MARCHF11: variants seen among roughly 807,000 people sequenced by gnomAD.
MARCHF11 encodes the protein membrane associated ring-CH-type finger 11.
Under a neutral mutation model 37.3 loss-of-function variants are expected in MARCHF11, and 29 were observed. The observed-to-expected ratio is 0.78, with a 90% confidence interval of 0.58 to 1.06. MARCHF11 has a LOEUF of 1.06. Ranked by LOEUF, MARCHF11 falls within the 50% of genes least tolerant of loss-of-function variation. The pLI is 0.00. For synonymous variants in MARCHF11, 233 were observed against 228.0 expected (o/e 1.02, Z -0.20); for missense variants, 482 against 533.4 (o/e 0.90, Z 0.95).
chr5:16,155,296 A>G (rs911362853), intron 2 of MARCHF11, among the ~76,000 whole-genome samples: 2 of 151,838 alleles, frequency 1.3e-5, no homozygotes, highest in Non-Finnish European at 2.9e-5. Flanking sequence ...AACCTCTTAG[A>G]AGGTCACAGA....
chr5:16,118,526 C>CT (rs1340688745), intron 2 of MARCHF11, among the ~76,000 whole-genome samples: 7 of 152,174 alleles, frequency 4.6e-5, no homozygotes, highest in African/African-American at 1.7e-4. Context: ...ACCAAGAATT[C>CT]TTTTATAGAC....
rs1736849527 is a variant in MARCHF11 at position 16,095,381 on chromosome 5, C to A, written c.694-4300G>T. On this transcript the variant is annotated intron_variant, in intron 2 of 3. Coordinates refer to ENST00000332432, the MANE Select transcript of MARCHF11 (RefSeq NM_001102562.3). Reference sequence around the variant, plus strand: ...GAGGAGGGCTAAATGTTTGGTTCAGCACATATCCTCAGTGTCTGGAAGAAG... The same window carrying A: ...GAGGAGGGCTAAATGTTTGGTTCAGAACATATCCTCAGTGTCTGGAAGAAG... Among the ~76,000 whole-genome samples the A allele has an allele frequency of 2.0e-5, 3 of 149,934 alleles. No homozygotes were observed. In the South Asian group the frequency reaches 6.3e-4, roughly 31 times the overall value.
intron 2 of MARCHF11, among the ~76,000 whole-genome samples, chr5:16,148,091 T>C (rs896749742): frequency 2.0e-5 from 3 of 152,104 alleles, no homozygotes; most frequent in African/African-American, 7.2e-5. Flanking sequence ...ATTATGCACT[T>C]TGGGAAATTT....
chr5:16,166,793 C>T (rs1007563939), intron 2 of MARCHF11, among the ~76,000 whole-genome samples: 18 of 151,762 alleles, frequency 1.2e-4, no homozygotes, highest in Admixed American at 9.2e-4. Context: ...TAAGAATGTA[C>T]CCCACTCTAA....
chr5:16,173,525 A>G (rs1183654622), intron 2 of MARCHF11, among the ~76,000 whole-genome samples: 1 of 152,218 alleles, frequency 6.6e-6, no homozygotes, highest in African/African-American at 2.4e-5. Flanking sequence ...CTGCACTGAG[A>G]TCATTATATC....
At chr5:16,167,747 T>C (rs1738194134) in intron 2 of MARCHF11, among the ~76,000 whole-genome samples, 1 of 152,128 alleles carries the variant, frequency 6.6e-6, no homozygotes. Context: ...TCACTTGCTT[T>C]TCTTCCGTTC....
At chr5:16,068,853 A>G (rs1736391973) in intron 3 of MARCHF11, among the ~76,000 whole-genome samples, 1 of 152,232 alleles carries the variant, frequency 6.6e-6, no homozygotes, top group African/African-American at 2.4e-5. Context: ...GTTGGTAGAG[A>G]GATCAATGAA....
In MARCHF11 at chr5:16,134,994, TCTCTCACA is replaced by T. The variant is rs1737583055; in HGVS notation, c.693+42724_693+42731del. ...TGAGTGATTTCTCTCTCTCTCTCTC[TCTCTCACA>T]CACACACACACACACACACACACAC... is the stretch of plus-strand genomic sequence containing the variant. On this transcript the variant is annotated intron_variant, in intron 2 of 3. Transcript: ENST00000332432. Among the ~76,000 whole-genome samples, 3 of 133,798 alleles carry T rather than the reference TCTCTCACA, an allele frequency of 2.2e-5. No homozygotes were observed. The South Asian group carries it at 8.5e-4, about 38-fold the overall frequency. 87.8% of individuals were successfully genotyped at this position (133,798 alleles called of 152,430 possible). A position where few individuals can be genotyped will look rare whatever the true frequency, so the allele number is the denominator to read the frequency against.
chr5:16,102,689 T>C (rs1220388893), intron 2 of MARCHF11, among the ~76,000 whole-genome samples: 1 of 152,168 alleles, frequency 6.6e-6, no homozygotes, highest in Non-Finnish European at 1.5e-5. Context: ...ATTCACCATA[T>C]TTCAAGTCTG....
chr5:16,169,289 C>T (rs1319017078), intron 2 of MARCHF11, among the ~76,000 whole-genome samples: 1 of 151,670 alleles, frequency 6.6e-6, no homozygotes, highest in African/African-American at 2.4e-5. Flanking sequence ...ACACCCCATG[C>T]CCAAATTAAG....
intron 2 of MARCHF11, among the ~76,000 whole-genome samples, chr5:16,118,926 A>C (rs1737264813): frequency 2.0e-5 from 3 of 152,170 alleles, no homozygotes; most frequent in Non-Finnish European, 4.4e-5. Context: ...AAAGGAGACT[A>C]TAACAGTGGC....
intron 3 of MARCHF11, among the ~76,000 whole-genome samples, chr5:16,081,477 C>T (rs747117824): frequency 2.6e-4 from 40 of 152,186 alleles, no homozygotes; most frequent in African/African-American, 9.2e-4. Flanking sequence ...CATTTAAAAA[C>T]GTAAAAGCCA....
Position 16,179,391 on chromosome 5 carries a change from G to C in MARCHF11, c.185C>G (p.Ala62Gly), listed in dbSNP as rs1738428942. 5 of 1,149,262 alleles carry C rather than the reference G, an allele frequency of 4.4e-6. No individual in the cohort carries two copies. Among genetic ancestry groups the C allele is most frequent in the Middle Eastern group, 3.6e-4 (1 of 2,750 alleles). 71.2% of individuals were successfully genotyped at this position (1,149,262 alleles called of 1,614,324 possible). ...CCCTAGCGGCTCGCTTGGCCCCGCG[G>C]CGCGCTCGGGGGTCTCGGGGGACGC... ...LPASPETPER[A>G]AGPSEPLGEV... The change falls in exon 1 of 4, where the codon GCC becomes GGC. Residue 62 changes from alanine to glycine, a missense_variant. Physicochemically the swap from Ala to Gly is moderately conservative, Grantham distance 60 (BLOSUM62 0). Coordinates refer to ENST00000332432, the MANE Select transcript of MARCHF11 (RefSeq NM_001102562.3).
chr5:16,073,103 G>A (rs183428262), intron 3 of MARCHF11, among the ~76,000 whole-genome samples: 1 of 152,248 alleles, frequency 6.6e-6, no homozygotes, highest in African/African-American at 2.4e-5. Context: ...GTCATTCTGA[G>A]AAGTGAGTGT....
At chr5:16,096,992 A>T (rs1159377788) in intron 2 of MARCHF11, among the ~76,000 whole-genome samples, 8 of 152,136 alleles carry the variant, frequency 5.3e-5, no homozygotes, top group Non-Finnish European at 4.4e-5. Flanking sequence ...CTTTGTTTTT[A>T]CAAGGCAGGC....
chr5:16,080,355 C>G (rs1213232208), intron 3 of MARCHF11, among the ~76,000 whole-genome samples: 1 of 152,164 alleles, frequency 6.6e-6, no homozygotes, highest in African/African-American at 2.4e-5. Flanking sequence ...TCTCCCTCCC[C>G]TTCCTGTTTC....
Position 16,067,535 on chromosome 5 carries a change from G to A in MARCHF11, c.1145C>T (p.Pro382Leu). Residue 382 changes from proline (P) to leucine (L), a missense_variant, in exon 4 of 4, where the codon CCC (proline) becomes CTC (leucine). By Grantham distance (98) the Pro-to-Leu change is moderately conservative. Coordinates refer to ENST00000332432, the MANE Select transcript of MARCHF11 (RefSeq NM_001102562.3). ...VLLHLFNRMRPHEDLSEDNSS... is the reference protein window; with the variant it reads ...VLLHLFNRMRLHEDLSEDNSS... ...GTTATCTTCTGATAAGTCTTCATGG[G>A]GCCTCATCCGATTGAACAGGTGCAA... 2 of 1,613,770 alleles carry A rather than the reference G, an allele frequency of 1.2e-6. No individual in the cohort carries two copies. The highest frequency in any genetic ancestry group is 8.5e-7 in the Non-Finnish European group (1 of 1,179,830).
intron 2 of MARCHF11, among the ~76,000 whole-genome samples, chr5:16,105,661 A>T (rs1737027054): frequency 6.6e-6 from 1 of 152,238 alleles, no homozygotes; most frequent in African/African-American, 2.4e-5. Flanking sequence ...CTCAAGCCAC[A>T]GAAAGCACAG....
At chr5:16,127,359 T>C (rs1195216592) in intron 2 of MARCHF11, among the ~76,000 whole-genome samples, 1 of 152,118 alleles carries the variant, frequency 6.6e-6, no homozygotes, top group East Asian at 1.9e-4. Flanking sequence ...TATGTGATCC[T>C]CTCCCTCGTG....
Sources: allele counts gnomAD v4.1 joint callset (sites outside exome capture counted in the v4.1 genomes callset), GRCh38; gene constraint gnomAD v4.1.1; transcripts MANE v1.5; gene names NCBI Gene and HGNC (gene_info 2026-07-23, HGNC 2026-07-21).